Variants in FBN2 observed in about 807,000 individuals in gnomAD.
FBN2 encodes fibrillin-2.
Under a neutral mutation model 355.6 loss-of-function variants are expected in FBN2, and 105 were observed. The observed-to-expected ratio is 0.30, with a 90% CI of 0.25 to 0.35. FBN2 has a LOEUF of 0.35. FBN2 is among the 10% of genes least tolerant of loss of function. The probability of loss-of-function intolerance (pLI) is 1.00; values close to 1 mark genes in which losing one functional copy is unlikely to be tolerated. For missense variants in FBN2, 3,280 were observed against 3,758.7 expected (o/e 0.87, Z 3.33); for synonymous variants, 1,350 against 1,301.2 (o/e 1.04, Z -0.81).
chr5:128,364,835 C>T lies in FBN2; in HGVS notation c.2303-110G>A, dbSNP rs76577069. ...CATATGAAGTGTTTAACTCTGCAAA[C>T]TCACAATTTGCCTGCCTTTCAGAAA... On this transcript the variant is annotated intron_variant, in intron 17 of 64. Transcript: ENST00000262464. 1.9e-3 allele frequency: 1,788 copies of T among 923,704 alleles called. 22 individuals carry two copies. In the African/African-American group the frequency reaches 0.025, roughly 13 times the overall value. 57.2% of individuals were successfully genotyped at this position (923,704 alleles called of 1,614,324 possible).
intron 63 of FBN2, among the ~76,000 whole-genome samples, 154 bp downstream of exon 63, chr5:128,263,271 T>C (rs1765022320): frequency 6.6e-6 from 1 of 152,242 alleles, no homozygotes; most frequent in Admixed American, 6.5e-5. Context: ...CCGTGTGTGC[T>C]TTCTTGGTAT....
chr5:128,536,548 C>T (rs1013381881), intron 1 of FBN2, 64 bp from the exon 2 acceptor site: 3 of 1,178,954 alleles, frequency 2.5e-6, no homozygotes, highest in African/African-American at 1.5e-5. Flanking sequence ...TATAAACGGT[C>T]TTCGTAAGCA....
chr5:128,341,589 G>A (rs1751022580), intron 25 of FBN2, among the ~76,000 whole-genome samples: 1 of 152,142 alleles, frequency 6.6e-6, no homozygotes, highest in African/African-American at 2.4e-5. Context: ...GGTCCTGCAG[G>A]TACCTAACTG....
intron 42 of FBN2, among the ~76,000 whole-genome samples, chr5:128,306,822 A>T (rs1321392879): frequency 1.3e-5 from 2 of 152,210 alleles, no homozygotes; most frequent in Admixed American, 6.5e-5. Context: ...GGTTAAAATA[A>T]GGTAGATTAT....
intron 7 of FBN2, among the ~76,000 whole-genome samples, chr5:128,411,173 G>A (rs972946300): frequency 1.3e-5 from 2 of 152,098 alleles, no homozygotes; most frequent in African/African-American, 2.4e-5. Context: ...TCCGGATGCC[G>A]GCAGGAACAA....
rs1750068017 is a variant in FBN2 at position 128,311,903 on chromosome 5, T to C, written c.4930A>G (p.Ile1644Val). Residue 1644 changes from isoleucine (I) to valine (V), a missense_variant, in exon 38 of 65, where the codon ATC (isoleucine) becomes GTC (valine). Around this residue, in one of 6 missense-constraint regions of FBN2, gnomAD observed 2,284 missense variants for 2,749.5 expected, o/e 0.83. Coordinates refer to ENST00000262464, the MANE Select transcript of FBN2 (RefSeq NM_001999.4). ...PGGEGFRPNP[I>V]TIILEDIDEC... ...AGCTCACCTTCTAAAATGATTGTGA[T>C]GGGGTTAGGTCTGAAGCCTTCACCT... 1 of 1,611,250 alleles carries C rather than the reference T, an allele frequency of 6.2e-7. No individual in the cohort carries two copies.
chr5:128,349,268 G>A (rs1382084358), intron 23 of FBN2, 79 bp downstream of exon 23: 1 of 1,550,124 alleles, frequency 6.5e-7, no homozygotes, highest in Non-Finnish European at 8.9e-7. Context: ...AACTCTTGTG[G>A]TTTTGGACTA....
At chr5:128,300,538 G>C (rs1040573617) in intron 48 of FBN2, among the ~76,000 whole-genome samples, 1 of 152,218 alleles carries the variant, frequency 6.6e-6, no homozygotes, top group Non-Finnish European at 1.5e-5. Flanking sequence ...TAAATTCACT[G>C]AAAGTCGCTG....
At chr5:128,537,269 G>T in intron 1 of FBN2, 81 bp downstream of exon 1, 1 of 1,585,476 alleles carries the variant, frequency 6.3e-7, no homozygotes, top group South Asian at 1.1e-5. Context: ...CTGGGACGGA[G>T]TGGGCCAGAA....
At chr5:128,389,257 C>A (rs562631010) in intron 11 of FBN2, among the ~76,000 whole-genome samples, 1 of 152,286 alleles carries the variant, frequency 6.6e-6, no homozygotes, top group Non-Finnish European at 1.5e-5. Flanking sequence ...GCCAGCAGAG[C>A]AATGGGGGAA....
Position 128,537,404 on chromosome 5 carries a change from C to G in FBN2, c.200G>C (p.Gly67Ala). Residue 67 changes from glycine to alanine, a missense_variant, in exon 1 of 65, where the codon GGT becomes GCT. Physicochemically the swap from Gly to Ala is moderately conservative, Grantham distance 60. Coordinates refer to ENST00000262464, the MANE Select transcript of FBN2 (RefSeq NM_001999.4). Reference sequence around the variant, plus strand: ...GCGGACGCGGCTGGCCACTGCGGCACCCTCCTCGCGATACTCGGGCGCTAG... The same window carrying G: ...GCGGACGCGGCTGGCCACTGCGGCAGCCTCCTCGCGATACTCGGGCGCTAG... The part of the protein sequence containing the change: ...GFLAPEYREE[G>A]AAVASRVRRR... 1.2e-6 allele frequency: 2 copies of G among 1,610,302 alleles called. No homozygotes were observed. Among genetic ancestry groups the G allele is most frequent in the Non-Finnish European group, 1.7e-6 (2 of 1,179,516 alleles).
intron 16 of FBN2, among the ~76,000 whole-genome samples, chr5:128,368,384 A>G (rs1046012338): frequency 2.7e-5 from 4 of 149,570 alleles, no homozygotes; most frequent in African/African-American, 9.8e-5. Context: ...AGATATATAT[A>G]TAGAGAGAGA....
chr5:128,363,401 G>A, intron 18 of FBN2, among the ~76,000 whole-genome samples: 1 of 152,006 alleles, frequency 6.6e-6, no homozygotes. Context: ...TGTTGGCCAG[G>A]CTGGTCTCAA....
intron 2 of FBN2, among the ~76,000 whole-genome samples, chr5:128,536,048 A>G (rs1177628498): frequency 1.3e-5 from 2 of 152,164 alleles, no homozygotes; most frequent in Non-Finnish European, 2.9e-5. Context: ...GCATAATAAC[A>G]TGTGGTCTCA....
At chr5:128,473,242 T>G (rs1303009093) in intron 5 of FBN2, among the ~76,000 whole-genome samples, 1 of 152,190 alleles carries the variant, frequency 6.6e-6, no homozygotes, top group African/African-American at 2.4e-5. Flanking sequence ...CAAGGAAGTC[T>G]GTACCCTCAC....
At chr5:128,408,927 T>G (rs1192509646) in intron 7 of FBN2, 128 bp from the exon 8 acceptor site, 10 of 1,006,744 alleles carry the variant, frequency 9.9e-6, no homozygotes, top group Non-Finnish European at 1.4e-5. Context: ...ACCCTGAAGA[T>G]ACTCTTGTTT....
At chr5:128,514,681 A>G (rs1299950604) in intron 5 of FBN2, among the ~76,000 whole-genome samples, 1 of 152,162 alleles carries the variant, frequency 6.6e-6, no homozygotes, top group African/African-American at 2.4e-5. Flanking sequence ...ACTTACTCTT[A>G]CATCTTGCTT....
intron 7 of FBN2, among the ~76,000 whole-genome samples, chr5:128,433,765 GT>G (rs1366940262): frequency 6.6e-6 from 1 of 152,112 alleles, no homozygotes; most frequent in East Asian, 1.9e-4. Flanking sequence ...CCCTTCATTT[GT>G]CCTATGTTAG....
chr5:128,463,188 A>G (rs1382063132), intron 6 of FBN2, among the ~76,000 whole-genome samples: 3 of 152,102 alleles, frequency 2.0e-5, no homozygotes, highest in African/African-American at 7.2e-5. Context: ...ACTAAGATGT[A>G]GTAAAGACCA....
Sources: gnomAD v4.1 joint callset for allele counts (sites outside exome capture counted in the v4.1 genomes callset) on GRCh38, gnomAD v4.1.1 for gene constraint, gnomAD v4.1.1 regional missense constraint, MANE v1.5 for transcripts, NCBI Gene and HGNC (gene_info 2026-07-23, HGNC 2026-07-21) for gene names.